RPRD1A: variants seen among roughly 807,000 people sequenced by gnomAD.
RPRD1A encodes the protein regulation of nuclear pre-mRNA domain-containing protein 1A.
RPRD1A carries 9 observed loss-of-function variants against 37.8 expected under a neutral mutation model. That is an observed-to-expected ratio of 0.24 (90% CI 0.14 to 0.42). RPRD1A has a LOEUF of 0.42. Ranked by LOEUF, RPRD1A falls within the 10% of genes least tolerant of loss-of-function variation. The pLI is 1.00. For missense variants in RPRD1A, 255 were observed against 371.0 expected, an observed-to-expected ratio of 0.69 and a Z score of 2.57; for synonymous variants, 138 against 139.7, an observed-to-expected ratio of 0.99 and a Z score of 0.08.
chr18:36,011,445 T>C (rs1456299223), intron 6 of RPRD1A, among the ~76,000 whole-genome samples: 3 of 152,156 alleles, frequency 2.0e-5, no homozygotes, highest in African/African-American at 4.8e-5. Flanking sequence ...AAAAATATTT[T>C]ATTTTTTTCT....
intron 6 of RPRD1A, among the ~76,000 whole-genome samples, chr18:36,019,946 A>T (rs1428848517): frequency 6.6e-6 from 1 of 152,198 alleles, no homozygotes; most frequent in African/African-American, 2.4e-5. Flanking sequence ...AGGCTGAGGC[A>T]GGAGAACTGC....
chr18:36,026,662 A>G (rs3786268), intron 6 of RPRD1A: 1 of 372,610 alleles, frequency 2.7e-6, no homozygotes. Context: ...GAATTTCACA[A>G]GAATAATTTT....
rs760762725 is a variant in RPRD1A, at chr18:36,027,289, A to G, written c.508T>C (p.Leu170=). The change falls in exon 5 of 7, where the codon TTA becomes CTA. Residue 170 remains leucine, a synonymous_variant. Coordinates refer to ENST00000399022, the MANE Select transcript of RPRD1A (RefSeq NM_018170.5). ...GAGGCTGCATTTTCCAGATCTTGTA[A>G]TGCTCTAACGAGATCTAGAGTCTAA... The part of the protein sequence containing the change: ...PPQTLDLVRA[L]QDLENAASGD... The G allele has an allele frequency of 9.3e-6, 15 of 1,613,942 alleles. No individual in the cohort carries two copies. In the African/African-American group the frequency reaches 1.9e-4, roughly 20 times the overall value.
intron 1 of RPRD1A, chr18:36,040,735 C>G: frequency 1.2e-6 from 1 of 868,864 alleles, no homozygotes; most frequent in Non-Finnish European, 1.7e-6. Context: ...CACATCTAAT[C>G]ATCCCTAAAA....
intron 6 of RPRD1A, among the ~76,000 whole-genome samples, chr18:36,005,754 C>T (rs1909706252): frequency 6.6e-6 from 1 of 152,186 alleles, no homozygotes; most frequent in African/African-American, 2.4e-5. Flanking sequence ...ATTACCAGTT[C>T]ATGATTTTAC....
At chr18:36,042,531 A>G in intron 1 of RPRD1A, among the ~76,000 whole-genome samples, 1 of 152,220 alleles carries the variant, frequency 6.6e-6, no homozygotes, top group East Asian at 1.9e-4. Context: ...AGAAACCTCA[A>G]CAATTTTTAA....
chr18:35,991,273 AAACT>A lies in RPRD1A; in HGVS notation c.*1874_*1877del, dbSNP rs747459495. On this transcript the variant is annotated 3_prime_UTR_variant, in exon 7 of 7. Transcript: ENST00000399022. The stretch of plus-strand genomic sequence containing the variant: ...GTTTTTGCTTTCACATTAATAATAA[AAACT>A]AACTTACTTAGTATACTTTCATAAC... 5 of 152,242 alleles carry A rather than the reference AAACT, an allele frequency of 3.3e-5. No individual in the cohort carries two copies. The East Asian group carries it at 5.8e-4, about 18-fold the overall frequency. 9.4% of individuals were successfully genotyped at this position (152,242 alleles called of 1,614,324 possible). A position where few individuals can be genotyped will look rare whatever the true frequency, so the allele number is the denominator to read the frequency against.
At chr18:36,031,365 G>C (rs1452528561) in intron 2 of RPRD1A, among the ~76,000 whole-genome samples, 2 of 152,130 alleles carry the variant, frequency 1.3e-5, no homozygotes, top group Non-Finnish European at 2.9e-5. Context: ...CTGGCTGCTA[G>C]GGATTTCCTA....
rs764336401 is a variant in RPRD1A, at chr18:36,043,496, ATT to A, written c.152-9661_152-9660del. On this transcript the variant is annotated intron_variant, in intron 1 of 6. Coordinates refer to ENST00000399022, the MANE Select transcript of RPRD1A (RefSeq NM_018170.5). ...CTGAGAAATTTTTGTGAAAAAAATA[ATT>A]TTTAAACCTTCAATTTCAGTATATG... Among the ~76,000 whole-genome samples the A allele has an allele frequency of 5.3e-5, 8 of 152,188 alleles. No individual in the cohort carries two copies. The East Asian group carries it at 7.7e-4, about 15-fold the overall frequency.
intron 4 of RPRD1A, among the ~76,000 whole-genome samples, chr18:36,028,390 C>A (rs1387456214): frequency 2.0e-5 from 3 of 152,062 alleles, no homozygotes; most frequent in Non-Finnish European, 4.4e-5. Context: ...TAAGATATAT[C>A]CCCTCTACAA....
intron 1 of RPRD1A, among the ~76,000 whole-genome samples, chr18:36,062,563 AT>A (rs1050914979): frequency 1.5e-4 from 23 of 152,150 alleles, no homozygotes; most frequent in East Asian, 5.8e-4. Flanking sequence ...GAATGGCTAA[AT>A]TCATACAATA....
intron 6 of RPRD1A, among the ~76,000 whole-genome samples, chr18:36,010,795 A>C (rs574130009): frequency 2.0e-5 from 3 of 152,314 alleles, no homozygotes; most frequent in African/African-American, 7.2e-5. Flanking sequence ...TAAACAGCAA[A>C]TACTTTATTA....
chr18:36,033,687 T>C (rs748628112), intron 2 of RPRD1A, 21 bp downstream of exon 2: 28 of 1,594,616 alleles, frequency 1.8e-5, no homozygotes, highest in South Asian at 8.0e-5. Context: ...GATTACCTAA[T>C]ACCCAAAACT....
intron 4 of RPRD1A, among the ~76,000 whole-genome samples, chr18:36,029,890 C>T (rs1911646168): frequency 6.6e-6 from 1 of 151,700 alleles, no homozygotes; most frequent in African/African-American, 2.4e-5. Context: ...ACTGCAAGCT[C>T]CGCCTCCCAG....
chr18:36,005,968 T>C (rs888272166), intron 6 of RPRD1A, among the ~76,000 whole-genome samples: 1 of 152,212 alleles, frequency 6.6e-6, no homozygotes, highest in African/African-American at 2.4e-5. Context: ...AATGTATTTT[T>C]TCAAATTTCC....
At chr18:36,048,438 A>G (rs546947747) in intron 1 of RPRD1A, among the ~76,000 whole-genome samples, 21 of 152,298 alleles carry the variant, frequency 1.4e-4, no homozygotes, top group African/African-American at 4.6e-4. Context: ...TACAACACAG[A>G]TAAGTGTAAT....
At position 36,008,577 on chromosome 18, in the gene RPRD1A, G is replaced by GTATATATATATATA. The variant is rs141531156; in HGVS notation, c.790-15278_790-15277insTATATATATATATA. Among the ~76,000 whole-genome samples the GTATATATATATATA allele has an allele frequency of 6.7e-4, 32 of 47,798 alleles. 4 individuals carry two copies. Among genetic ancestry groups the GTATATATATATATA allele is most frequent in the African/African-American group, 2.0e-3 (30 of 14,818 alleles). The allele number at this position is 47,798 out of a possible 152,430, so 31.4% of individuals were successfully genotyped here. Reference sequence around the variant, plus strand: ...GGCGACACAGCAAGACCTTGTGTGTGTATATATATATATCTTTAAAAATCT... The same window carrying GTATATATATATATA: ...GGCGACACAGCAAGACCTTGTGTGTGTATATATATATATATATATATATATATCTTTAAAAATCT... On this transcript the variant is annotated intron_variant, in intron 6 of 6. Transcript: ENST00000399022.
In RPRD1A at chr18:36,060,324, T is replaced by C. The variant is rs547648958; in HGVS notation, c.151+6930A>G. ...GGCGGGCGCCTATAGTCCCAGCTAC[T>C]TGGGAGGCTGAGACAGGAGAATGGC... On this transcript the variant is annotated intron_variant, in intron 1 of 6. Coordinates refer to ENST00000399022, the MANE Select transcript of RPRD1A (RefSeq NM_018170.5). Among the ~76,000 whole-genome samples the C allele has an allele frequency of 4.6e-5, 7 of 151,950 alleles. No individual in the cohort carries two copies. In the East Asian group the frequency reaches 7.8e-4, roughly 17 times the overall value.
intron 6 of RPRD1A, among the ~76,000 whole-genome samples, chr18:36,008,737 T>C (rs28530656): frequency 0.26 from 39,210 of 151,056 alleles, 5,361 homozygotes; most frequent in African/African-American, 0.35. Context: ...TTATGTGCAA[T>C]GGTAGAGCAC....
Sources: allele counts gnomAD v4.1 joint callset (sites outside exome capture counted in the v4.1 genomes callset), GRCh38; gene constraint gnomAD v4.1.1; transcripts MANE v1.5; gene names NCBI Gene and HGNC (gene_info 2026-07-23, HGNC 2026-07-21).